GRAMD1C: variants seen among roughly 807,000 people sequenced by gnomAD.
The protein encoded by GRAMD1C is GRAM domain containing 1C, also known as protein Aster-C.
A neutral mutation model predicts 97.8 loss-of-function variants in GRAMD1C; 89 were observed. That is an observed-to-expected ratio of 0.91 (90% confidence interval 0.77 to 1.09). The LOEUF is 1.09. GRAMD1C is among the 50% of genes least tolerant of loss of function. The pLI is 0.00. For synonymous variants in GRAMD1C, 256 were observed against 267.0 expected, an observed-to-expected ratio of 0.96 and a Z score of 0.40; for missense variants, 740 against 766.4, an observed-to-expected ratio of 0.97 and a Z score of 0.41.
intron 8 of GRAMD1C, among the ~76,000 whole-genome samples, chr3:113,908,249 G>A (rs1261515464): frequency 1.3e-5 from 2 of 152,124 alleles, no homozygotes; most frequent in African/African-American, 4.8e-5. Context: ...TTATAATACA[G>A]TACTATTTTA....
At chr3:113,833,120 C>CTTTTTTTTT (rs200062835) in intron 1 of GRAMD1C, among the ~76,000 whole-genome samples, 35 of 129,456 alleles carry the variant, frequency 2.7e-4, no homozygotes, top group Admixed American at 4.2e-4. Context: ...TTCTTTCTTT[C>CTTTTTTTTT]TTTTTTTTTT....
At chr3:113,904,407 T>C (rs1016713014) in intron 8 of GRAMD1C, 135 bp downstream of exon 8, 36 of 638,340 alleles carry the variant, frequency 5.6e-5, no homozygotes, top group Non-Finnish European at 8.1e-5. Context: ...AGGAAAAAAG[T>C]TTAAAGTCTG....
At chr3:113,897,010 C>T (rs1019924151) in intron 6 of GRAMD1C, among the ~76,000 whole-genome samples, 6 of 152,146 alleles carry the variant, frequency 3.9e-5, no homozygotes, top group Non-Finnish European at 8.8e-5. Flanking sequence ...ATTGAGTAAT[C>T]AAAATGTTGC....
intron 10 of GRAMD1C, among the ~76,000 whole-genome samples, chr3:113,924,828 G>GT (rs1937180817): frequency 6.6e-6 from 1 of 152,124 alleles, no homozygotes; most frequent in Non-Finnish European, 1.5e-5. Context: ...ATCTTTGTTA[G>GT]TTTTTTGACT....
At chr3:113,917,431 C>T (rs1330097706) in intron 10 of GRAMD1C, among the ~76,000 whole-genome samples, 1 of 151,768 alleles carries the variant, frequency 6.6e-6, no homozygotes, top group Non-Finnish European at 1.5e-5. Context: ...TCAAGCGATT[C>T]TTGTGCCTCA....
chr3:113,901,572 A>C (rs1168453032), intron 7 of GRAMD1C, among the ~76,000 whole-genome samples: 1 of 152,214 alleles, frequency 6.6e-6, no homozygotes, highest in East Asian at 1.9e-4. Context: ...GAATACATTA[A>C]TGGAAGGAGC....
intron 10 of GRAMD1C, among the ~76,000 whole-genome samples, chr3:113,930,085 TATTGTCCCTA>T (rs1937354844): frequency 6.6e-6 from 1 of 152,230 alleles, no homozygotes; most frequent in Non-Finnish European, 1.5e-5. Flanking sequence ...TTAATCACTA[TATTGTCCCTA>T]AGCAAATAAA....
At chr3:113,931,072 A>C (rs769625975) in intron 11 of GRAMD1C, among the ~76,000 whole-genome samples, 22 of 152,212 alleles carry the variant, frequency 1.4e-4, no homozygotes, top group Non-Finnish European at 2.5e-4. Flanking sequence ...TTTATTTTTT[A>C]TGTATAGTAA....
intron 10 of GRAMD1C, among the ~76,000 whole-genome samples, chr3:113,918,656 T>G (rs996281960): frequency 1.3e-5 from 2 of 152,204 alleles, no homozygotes; most frequent in African/African-American, 4.8e-5. Context: ...CAAAGCATAC[T>G]GCTATCTTCT....
chr3:113,919,655 G>T (rs1015315809), intron 10 of GRAMD1C: 5 of 655,346 alleles, frequency 7.6e-6, no homozygotes, highest in Admixed American at 2.0e-5. Flanking sequence ...TTTAGTAAAA[G>T]AATGTGATCT....
chr3:113,935,482 C>T (rs992842782), intron 13 of GRAMD1C, among the ~76,000 whole-genome samples: 12 of 136,064 alleles, frequency 8.8e-5, no homozygotes, highest in Non-Finnish European at 1.7e-4. Context: ...CATATACATG[C>T]GAGAAATATA....
chr3:113,887,694 C>T (rs1331185106), intron 6 of GRAMD1C, among the ~76,000 whole-genome samples: 1 of 120,860 alleles, frequency 8.3e-6, no homozygotes. Context: ...GGTGAAAGTG[C>T]GAGACTCCGT....
At chr3:113,829,511 C>CA (rs112942843) in intron 1 of GRAMD1C, among the ~76,000 whole-genome samples, 6,497 of 147,596 alleles carry the variant, frequency 0.044, 384 homozygotes, top group African/African-American at 0.13. Context: ...TGTGCAACTA[C>CA]AAAAAAAAAA....
Position 113,844,762 on chromosome 3 carries a change from GT to G in GRAMD1C, c.174+116del, listed in dbSNP as rs1270415363. ...CCTTCTTAGCTTCTAGATTTTAGATGTTTCAATTTTAGTCCAGAGTCCCAAA... is the reference window on the plus strand; with the variant it reads ...CCTTCTTAGCTTCTAGATTTTAGATGTTCAATTTTAGTCCAGAGTCCCAAA... On this transcript the variant is annotated intron_variant, in intron 2 of 17. Coordinates refer to ENST00000358160, the MANE Select transcript of GRAMD1C (RefSeq NM_017577.5). 10 of 724,056 alleles carry G rather than the reference GT, an allele frequency of 1.4e-5. No individual in the cohort carries two copies. The East Asian group carries it at 2.0e-4, about 14-fold the overall frequency. The allele number at this position is 724,056 out of a possible 1,614,324, so 44.9% of individuals were successfully genotyped here. A position where few individuals can be genotyped will look rare whatever the true frequency, so the allele number is the denominator to read the frequency against.
At chr3:113,877,915 T>C (rs563836196) in intron 5 of GRAMD1C, among the ~76,000 whole-genome samples, 9 of 152,176 alleles carry the variant, frequency 5.9e-5, no homozygotes, top group Middle Eastern at 3.4e-3. Context: ...GTAGCTGGGA[T>C]TACAGGCATA....
Position 113,838,856 on chromosome 3 carries a change from G to GGCGGTGCGGTGCGGTGCGGT in GRAMD1C, c.-36_-35insGTGCGGTGCGGTGCGGTGCG. The GGCGGTGCGGTGCGGTGCGGT allele has an allele frequency of 8.3e-7, 1 of 1,206,680 alleles. No homozygotes were observed. Among genetic ancestry groups the GGCGGTGCGGTGCGGTGCGGT allele is most frequent in the East Asian group, 3.2e-5 (1 of 30,950 alleles). 74.7% of individuals were successfully genotyped at this position (1,206,680 alleles called of 1,614,324 possible). ...CAGCGCGCGCTGGAGGTGGGCGCGG[G>GGCGGTGCGGTGCGGTGCGGT]GCGGTGCGGTGCGGTGCGCGCGGGG... On this transcript the variant is annotated 5_prime_UTR_variant, in exon 1 of 18. Coordinates refer to ENST00000358160, the MANE Select transcript of GRAMD1C (RefSeq NM_017577.5).
intron 8 of GRAMD1C, among the ~76,000 whole-genome samples, chr3:113,906,394 G>T (rs1936373231): frequency 6.6e-6 from 1 of 152,074 alleles, no homozygotes; most frequent in South Asian, 2.1e-4. Flanking sequence ...TCCTGATCCT[G>T]TGTAGGCCTA....
intron 13 of GRAMD1C, among the ~76,000 whole-genome samples, chr3:113,935,969 C>A (rs1937571141): frequency 6.6e-6 from 1 of 152,066 alleles, no homozygotes; most frequent in Non-Finnish European, 1.5e-5. Flanking sequence ...AGTGGGTAGC[C>A]TGTTGTTTCC....
chr3:113,913,831 C>T (rs915406154), intron 9 of GRAMD1C, among the ~76,000 whole-genome samples: 6 of 152,066 alleles, frequency 3.9e-5, no homozygotes, highest in South Asian at 2.1e-4. Flanking sequence ...GTTATGAAGA[C>T]GGTTGAAGTC....
Sources: gnomAD v4.1 joint callset for allele counts (sites outside exome capture counted in the v4.1 genomes callset) on GRCh38, gnomAD v4.1.1 for gene constraint, MANE v1.5 for transcripts, NCBI Gene and HGNC (gene_info 2026-07-23, HGNC 2026-07-21) for gene names.